The following BRDT variants were observed in gnomAD, a reference collection of about 807,000 sequenced individuals.
BRDT encodes the protein bromodomain testis associated, also known as bromodomain testis-specific protein.
BRDT carries 77 observed loss-of-function variants against 113.9 expected under a neutral mutation model. The observed-to-expected ratio is 0.68, with a 90% CI of 0.56 to 0.82. The LOEUF (loss-of-function observed/expected upper bound fraction) is 0.82, where lower values mean the gene tolerates loss of function less well. Among genes scored for constraint, BRDT ranks in the 40% least tolerant of loss-of-function variants. The pLI, the probability that BRDT is intolerant of heterozygous loss-of-function variation, is 0.00. For synonymous variants in BRDT, 358 were observed against 366.5 expected (o/e 0.98, Z 0.26); for missense variants, 1,027 against 1,105.4 (o/e 0.93, Z 1.01).
At chr1:92,005,730 A>G (rs764328233) in intron 18 of BRDT, among the ~76,000 whole-genome samples, 11 of 152,226 alleles carry the variant, frequency 7.2e-5, no homozygotes, top group Non-Finnish European at 1.5e-4. Flanking sequence ...GAATAATAAT[A>G]CCTATTGTGA....
chr1:91,951,618 A>C (rs1040726178), intron 1 of BRDT, among the ~76,000 whole-genome samples: 1 of 151,660 alleles, frequency 6.6e-6, no homozygotes, highest in Non-Finnish European at 1.5e-5. Flanking sequence ...CTAAAAATAC[A>C]AAAAAATTAG....
intron 1 of BRDT, among the ~76,000 whole-genome samples, chr1:91,955,469 CA>C (rs771846161): frequency 3.9e-5 from 6 of 152,072 alleles, no homozygotes; most frequent in Non-Finnish European, 8.8e-5. Flanking sequence ...CAAAACAAAA[CA>C]ACAACAAAAA....
chr1:91,978,828 G>A (rs1405427775), intron 7 of BRDT, among the ~76,000 whole-genome samples: 1 of 151,668 alleles, frequency 6.6e-6, no homozygotes, highest in Admixed American at 6.6e-5. Flanking sequence ...ATGAAACCCC[G>A]TCTCTACTAA....
chr1:91,985,638 C>T (rs373922789), intron 12 of BRDT, among the ~76,000 whole-genome samples: 15 of 108,582 alleles, frequency 1.4e-4, no homozygotes, highest in Admixed American at 3.6e-4. Context: ...ATTAGTTTTG[C>T]TTTTTTTTTT....
Position 91,981,208 on chromosome 1 carries a change from G to A in BRDT, c.1750+30G>A, listed in dbSNP as rs370704432. 92 of 1,607,104 alleles carry A rather than the reference G, an allele frequency of 5.7e-5. No homozygotes were observed. In the African/African-American group the frequency reaches 1.1e-3, roughly 19 times the overall value. On this transcript the variant is annotated intron_variant, in intron 10 of 18. Coordinates refer to ENST00000399546, the MANE Select transcript of BRDT (RefSeq NM_207189.4). Reference sequence around the variant, plus strand: ...GTATTTCTGCATATTAATAGAAATCGGTTTGGTATTTATGTTGGTTTTTGG... The same window carrying A: ...GTATTTCTGCATATTAATAGAAATCAGTTTGGTATTTATGTTGGTTTTTGG...
At chr1:91,983,189 T>A (rs559539402) in intron 12 of BRDT, among the ~76,000 whole-genome samples, 51 of 152,238 alleles carry the variant, frequency 3.4e-4, no homozygotes, top group African/African-American at 1.2e-3. Context: ...TAACTTGTGT[T>A]CTTAAAATAG....
At chr1:91,968,023 A>G (rs938440290) in intron 3 of BRDT, 123 bp from the exon 4 acceptor site, 1 of 887,432 alleles carries the variant, frequency 1.1e-6, no homozygotes, top group Non-Finnish European at 1.6e-6. Flanking sequence ...TTCTAAATTT[A>G]TAAGAGATGA....
At chr1:91,961,762 C>G (rs1435148115) in intron 1 of BRDT, among the ~76,000 whole-genome samples, 2 of 152,278 alleles carry the variant, frequency 1.3e-5, no homozygotes, top group African/African-American at 4.8e-5. Flanking sequence ...TTAACATTCT[C>G]TGTTATTTCT....
intron 4 of BRDT, among the ~76,000 whole-genome samples, chr1:91,974,205 C>G (rs1268690923): frequency 6.6e-6 from 1 of 152,128 alleles, no homozygotes; most frequent in Non-Finnish European, 1.5e-5. Context: ...TAGGCAATAC[C>G]ATTCAGAACA....
chr1:92,001,896 CCTAA>C (rs1336229586), intron 15 of BRDT, among the ~76,000 whole-genome samples, 149 bp from the exon 16 acceptor site: 4 of 152,170 alleles, frequency 2.6e-5, no homozygotes, highest in African/African-American at 9.6e-5. Flanking sequence ...ATAACAAGTC[CCTAA>C]CTAAGAATAT....
intron 12 of BRDT, among the ~76,000 whole-genome samples, chr1:91,990,889 C>G (rs991422129): frequency 1.3e-5 from 2 of 152,130 alleles, no homozygotes; most frequent in African/African-American, 4.8e-5. Context: ...CCTCCGCTTC[C>G]CAGGTTTAAG....
intron 8 of BRDT, 61 bp from the exon 9 acceptor site, chr1:91,980,582 T>C: frequency 1.5e-6 from 2 of 1,326,854 alleles, no homozygotes; most frequent in Non-Finnish European, 2.0e-6. Context: ...GCTTGATTTT[T>C]TTCTAGTTTC....
Position 91,980,922 on chromosome 1 carries a change from T to C in BRDT, c.1494T>C (p.Gly498=). Residue 498 remains glycine (G), a synonymous_variant, in exon 10 of 19, where the codon GGT becomes GGC. Transcript: ENST00000399546. ...AGAAAAGGAAACAACAGTTCATTGG[T>C]CTAAAATCTGAAGATGAAGATAATG... is the stretch of plus-strand genomic sequence containing the variant. ...QPKKRKQQFI[G]LKSEDEDNAK... 1 of 1,611,624 alleles carries C rather than the reference T, an allele frequency of 6.2e-7. No individual in the cohort carries two copies. Among genetic ancestry groups the C allele is most frequent in the Non-Finnish European group, 8.5e-7 (1 of 1,179,488 alleles).
chr1:91,974,247 A>G (rs1018442475), intron 4 of BRDT, among the ~76,000 whole-genome samples: 1 of 152,218 alleles, frequency 6.6e-6, no homozygotes, highest in Non-Finnish European at 1.5e-5. Flanking sequence ...TGTCTAAAAC[A>G]CCAAAAGCAA....
intron 12 of BRDT, among the ~76,000 whole-genome samples, chr1:91,984,635 A>AT (rs11389517): frequency 2.7e-5 from 4 of 148,610 alleles, no homozygotes; most frequent in African/African-American, 9.8e-5. Flanking sequence ...TGAAAAAATA[A>AT]TTAAAAAAAA....
chr1:91,989,427 C>A (rs1685570354), intron 12 of BRDT, among the ~76,000 whole-genome samples: 1 of 152,254 alleles, frequency 6.6e-6, no homozygotes, highest in South Asian at 2.1e-4. Flanking sequence ...GTGGTGCAAT[C>A]TCGGCTCACT....
intron 18 of BRDT, among the ~76,000 whole-genome samples, chr1:92,013,085 G>A (rs1424382690): frequency 6.6e-6 from 1 of 151,384 alleles, no homozygotes; most frequent in African/African-American, 2.4e-5. Flanking sequence ...GGGCATGGCG[G>A]TGCACATCTG....
Position 92,005,288 on chromosome 1 carries a change from A to C in BRDT, c.2764A>C (p.Arg922=). Residue 922 remains arginine (R), a synonymous_variant, in exon 18 of 19, where the codon AGG becomes CGG. Transcript: ENST00000399546. ...LARQKEQERR[R]REAMVGTIDM... ...AAGGCAGAAAGAACAAGAGAGGAGG[A>C]GGAGAGAAGCAGTAAGTGAATTTTA... 6.4e-7 allele frequency: 1 copy of C among 1,554,558 alleles called. No individual in the cohort carries two copies. Among genetic ancestry groups the C allele is most frequent in the South Asian group, 1.2e-5 (1 of 80,478 alleles).
rs531782882 is a variant in BRDT at position 91,981,588 on chromosome 1, G to C, written c.1865-30G>C. On this transcript the variant is annotated intron_variant, in intron 11 of 18. Transcript: ENST00000399546. Reference sequence around the variant, plus strand: ...GTTCCTGCAACTATTTAATTCTTCTGGCATTTTAATATGTTTCTCTGTTTT... The same window carrying C: ...GTTCCTGCAACTATTTAATTCTTCTCGCATTTTAATATGTTTCTCTGTTTT... 6 of 1,606,630 alleles carry C rather than the reference G, an allele frequency of 3.7e-6. No homozygotes were observed. The East Asian group carries it at 8.9e-5, about 24-fold the overall frequency.
Sources: allele counts gnomAD v4.1 joint callset (sites outside exome capture counted in the v4.1 genomes callset), GRCh38; gene constraint gnomAD v4.1.1; transcripts MANE v1.5; gene names NCBI Gene and HGNC (gene_info 2026-07-23, HGNC 2026-07-21).